Variants in CSGALNACT1 observed in about 807,000 individuals in gnomAD.
CSGALNACT1 encodes beta4GalNAcT-1.
Under a neutral mutation model 51.0 loss-of-function variants are expected in CSGALNACT1, and 52 were observed. That is an observed-to-expected ratio of 1.02 (90% CI 0.82 to 1.29). The LOEUF is 1.29. Ranked by LOEUF, CSGALNACT1 falls within the 50% of genes most tolerant of loss-of-function variation. The pLI is 0.00. For missense variants in CSGALNACT1, 935 were observed against 679.2 expected, an observed-to-expected ratio of 1.38 and a Z score of -4.19; for synonymous variants, 341 against 254.4, an observed-to-expected ratio of 1.34 and a Z score of -3.24.
chr8:19,581,029 C>T (rs926286990), intron 3 of CSGALNACT1, among the ~76,000 whole-genome samples: 12 of 152,044 alleles, frequency 7.9e-5, no homozygotes, highest in Admixed American at 2.0e-4. Context: ...AAGTAATGTA[C>T]GTGTAACTAT....
intron 1 of CSGALNACT1, among the ~76,000 whole-genome samples, chr8:19,698,561 G>C (rs1421833881): frequency 6.6e-6 from 1 of 152,172 alleles, no homozygotes; most frequent in Non-Finnish European, 1.5e-5. Flanking sequence ...CAGAGGAGCA[G>C]TGATTCTCAA....
At chr8:19,743,917 T>A (rs1217369393) in intron 1 of CSGALNACT1, among the ~76,000 whole-genome samples, 1 of 152,096 alleles carries the variant, frequency 6.6e-6, no homozygotes, top group Admixed American at 6.5e-5. Flanking sequence ...GAATCCTTCA[T>A]CAAATTTTTA....
intron 4 of CSGALNACT1, among the ~76,000 whole-genome samples, chr8:19,500,834 T>C (rs2076288039): frequency 6.6e-6 from 1 of 152,172 alleles, no homozygotes; most frequent in Non-Finnish European, 1.5e-5. Context: ...AGAACAGAAA[T>C]TTATTTTCTC....
intron 1 of CSGALNACT1, among the ~76,000 whole-genome samples, chr8:19,656,306 GGA>G (rs2058266475): frequency 6.6e-6 from 1 of 152,084 alleles, no homozygotes. Context: ...CTAAAAGTCT[GGA>G]ATCAAAACCT....
chr8:19,562,055 G>A (rs1266482077), intron 3 of CSGALNACT1, among the ~76,000 whole-genome samples: 1 of 152,232 alleles, frequency 6.6e-6, no homozygotes, highest in African/African-American at 2.4e-5. Context: ...CTGCACTGAG[G>A]CATCACCTGA....
At chr8:19,702,811 C>G (rs931160480) in intron 1 of CSGALNACT1, among the ~76,000 whole-genome samples, 5 of 152,140 alleles carry the variant, frequency 3.3e-5, no homozygotes, top group Non-Finnish European at 7.3e-5. Context: ...GCTGAGCTGC[C>G]ATGGATCTAG....
chr8:19,592,999 C>G (rs936306291), intron 2 of CSGALNACT1, among the ~76,000 whole-genome samples: 1 of 152,086 alleles, frequency 6.6e-6, no homozygotes, highest in African/African-American at 2.4e-5. Context: ...ATAGGCTTAT[C>G]CAGATATAAC....
At chr8:19,426,910 T>C (rs954270117) in intron 6 of CSGALNACT1, among the ~76,000 whole-genome samples, 2 of 152,212 alleles carry the variant, frequency 1.3e-5, no homozygotes, top group African/African-American at 4.8e-5. Flanking sequence ...CTTCTCACAA[T>C]AGCCTTTCAT....
At chr8:19,614,786 G>C (rs1463448004) in intron 1 of CSGALNACT1, among the ~76,000 whole-genome samples, 1 of 152,214 alleles carries the variant, frequency 6.6e-6, no homozygotes, top group African/African-American at 2.4e-5. Flanking sequence ...AAGAAGGAAA[G>C]TGACTAAAGA....
Position 19,667,030 on chromosome 8 carries a change from AGG to A in CSGALNACT1, c.-544+15441_-544+15442del, listed in dbSNP as rs1564386757. ...AAGAAAGAAAGAAAGGAAGGAAGGAAGGAAGGAAGGAAGAAAGAAAGAAAGAA... is the reference window on the plus strand; with the variant it reads ...AAGAAAGAAAGAAAGGAAGGAAGGAAAAGGAAGGAAGAAAGAAAGAAAGAA... On this transcript the variant is annotated intron_variant, in intron 1 of 9. Coordinates refer to the CSGALNACT1 transcript ENST00000332246. 4.8e-4 allele frequency among the ~76,000 whole-genome samples: 20 copies of A among 41,302 alleles called. 2 individuals carry two copies. Among genetic ancestry groups the A allele is most frequent in the African/African-American group, 2.6e-3 (15 of 5,742 alleles). The allele number at this position is 41,302 out of a possible 152,430, so 27.1% of individuals were successfully genotyped here.
At chr8:19,612,276 G>A (rs536504685) in intron 1 of CSGALNACT1, among the ~76,000 whole-genome samples, 19 of 152,012 alleles carry the variant, frequency 1.2e-4, no homozygotes, top group Middle Eastern at 3.4e-3. Flanking sequence ...CTGGGAGGCT[G>A]AGGTTGCAGT....
At chr8:19,622,793 G>C (rs1053656251) in intron 1 of CSGALNACT1, among the ~76,000 whole-genome samples, 3 of 151,946 alleles carry the variant, frequency 2.0e-5, no homozygotes, top group African/African-American at 7.3e-5. Flanking sequence ...TGAAAATAAG[G>C]CAAGAAAGGA....
intron 1 of CSGALNACT1, among the ~76,000 whole-genome samples, chr8:19,666,948 AAAGAAAG>A (rs2059320681): frequency 7.0e-5 from 1 of 14,240 alleles, no homozygotes; most frequent in African/African-American, 3.9e-4. Context: ...AGAGAAAAAG[AAAGAAAG>A]AAAGAAAGAA....
intron 3 of CSGALNACT1, among the ~76,000 whole-genome samples, chr8:19,586,296 C>T (rs1052916710): frequency 4.0e-5 from 6 of 151,530 alleles, no homozygotes; most frequent in Non-Finnish European, 5.9e-5. Flanking sequence ...GATGGGGAGG[C>T]TGCAGTGAGC....
At chr8:19,475,085 C>G (rs1233474025) in intron 4 of CSGALNACT1, among the ~76,000 whole-genome samples, 1 of 151,904 alleles carries the variant, frequency 6.6e-6, no homozygotes, top group African/African-American at 2.4e-5. Context: ...GAGAAGGGCA[C>G]CCAGACAGGG....
At chr8:19,705,404 T>C (rs2062100805) in intron 1 of CSGALNACT1, among the ~76,000 whole-genome samples, 1 of 152,148 alleles carries the variant, frequency 6.6e-6, no homozygotes, top group African/African-American at 2.4e-5. Flanking sequence ...TTTTGAATAA[T>C]ATTTAGAAGG....
chr8:19,656,702 AAAGT>A (rs954332202), intron 1 of CSGALNACT1, among the ~76,000 whole-genome samples: 2 of 152,178 alleles, frequency 1.3e-5, no homozygotes, highest in African/African-American at 2.4e-5. Context: ...AGCAATTTAT[AAAGT>A]GAGTATGAAA....
At chr8:19,705,025 T>C (rs114389415) in intron 1 of CSGALNACT1, among the ~76,000 whole-genome samples, 3,106 of 152,314 alleles carry the variant, frequency 0.02, 116 homozygotes, top group African/African-American at 0.072. Flanking sequence ...ATAGTGACTG[T>C]AGTTAATACA....
At chr8:19,540,986 T>C (rs1334943746) in intron 3 of CSGALNACT1, among the ~76,000 whole-genome samples, 1 of 152,216 alleles carries the variant, frequency 6.6e-6, no homozygotes, top group Admixed American at 6.5e-5. Context: ...CTGTAGGTCA[T>C]TTAAAGAAAG....
Sources: allele counts gnomAD v4.1 joint callset (sites outside exome capture counted in the v4.1 genomes callset), GRCh38; gene constraint gnomAD v4.1.1; transcripts MANE v1.5; gene names NCBI Gene and HGNC (gene_info 2026-07-23, HGNC 2026-07-21).